STIM1: variants seen among roughly 807,000 people sequenced by gnomAD.
STIM1 encodes the protein stromal interaction molecule 1.
Under a neutral mutation model 74.7 loss-of-function variants are expected in STIM1, and 25 were observed. The ratio of observed to expected loss-of-function variants is 0.33; its 90% CI spans 0.24 to 0.47. The LOEUF (loss-of-function observed/expected upper bound fraction) is 0.47, where lower values mean the gene tolerates loss of function less well. Among genes scored for constraint, STIM1 ranks in the 20% least tolerant of loss-of-function variants. STIM1 has a pLI of 1.00. For synonymous variants in STIM1, 328 were observed against 348.8 expected, an observed-to-expected ratio of 0.94 and a Z score of 0.66; for missense variants, 728 against 920.8, an observed-to-expected ratio of 0.79 and a Z score of 2.71.
At chr11:4,004,282 A>G (rs1437315594) in intron 2 of STIM1, among the ~76,000 whole-genome samples, 2 of 152,312 alleles carry the variant, frequency 1.3e-5, no homozygotes, top group East Asian at 3.9e-4. Flanking sequence ...CGCCAAGTCA[A>G]TCCTAAGCCA....
chr11:3,893,444 C>G (rs1590534491), intron 1 of STIM1, among the ~76,000 whole-genome samples: 3 of 152,304 alleles, frequency 2.0e-5, no homozygotes, highest in East Asian at 1.9e-4. Flanking sequence ...CCGATTAGTT[C>G]TTTGACTGGC....
At chr11:3,866,444 T>TG (rs995798522) in intron 1 of STIM1, among the ~76,000 whole-genome samples, 1 of 151,460 alleles carries the variant, frequency 6.6e-6, no homozygotes, top group East Asian at 1.9e-4. Context: ...TTTTTTTTTT[T>TG]TGTGACAGAG....
At chr11:4,066,295 G>T (rs957362053) in intron 5 of STIM1, among the ~76,000 whole-genome samples, 1 of 152,180 alleles carries the variant, frequency 6.6e-6, no homozygotes, top group Non-Finnish European at 1.5e-5. Flanking sequence ...CTGAGTTTGT[G>T]TAGGGGTTGT....
chr11:4,011,980 A>T (rs1304819067), intron 2 of STIM1, among the ~76,000 whole-genome samples: 6 of 152,208 alleles, frequency 3.9e-5, no homozygotes, highest in Admixed American at 3.9e-4. Context: ...TTAAATAGGG[A>T]ATCCCTTCTC....
chr11:4,060,296 C>T (rs990879286), intron 5 of STIM1, among the ~76,000 whole-genome samples: 1 of 152,178 alleles, frequency 6.6e-6, no homozygotes, highest in African/African-American at 2.4e-5. Flanking sequence ...ACTTCCTGCC[C>T]TTTGGGAATG....
intron 1 of STIM1, among the ~76,000 whole-genome samples, chr11:3,872,017 T>C (rs1283753853): frequency 6.6e-6 from 1 of 152,194 alleles, no homozygotes; most frequent in African/African-American, 2.4e-5. Context: ...TACCCTGTTC[T>C]CCTAGGTTCT....
chr11:3,962,445 T>TTGTGTGTGTG (rs139472251), intron 1 of STIM1, among the ~76,000 whole-genome samples: 19 of 147,726 alleles, frequency 1.3e-4, no homozygotes, highest in Middle Eastern at 3.5e-3. Flanking sequence ...CTGAGTAGTA[T>TTGTGTGTGTG]TGTGTGTGTG....
intron 1 of STIM1, among the ~76,000 whole-genome samples, chr11:3,882,835 A>G (rs1420035982): frequency 6.6e-6 from 1 of 152,162 alleles, no homozygotes; most frequent in Non-Finnish European, 1.5e-5. Context: ...TATTATAACC[A>G]TTCTTGTGGA....
chr11:3,973,926 C>G (rs2093420564), intron 2 of STIM1: 1 of 501,568 alleles, frequency 2.0e-6, no homozygotes, highest in African/African-American at 2.0e-5. Context: ...TTTTTAAAGC[C>G]CCCAACAAAT....
chr11:3,896,416 C>A (rs2092177892), intron 1 of STIM1, among the ~76,000 whole-genome samples: 1 of 152,144 alleles, frequency 6.6e-6, no homozygotes, highest in Non-Finnish European at 1.5e-5. Flanking sequence ...AGTGGCTGAG[C>A]CTGGATTCAG....
chr11:3,988,311 T>C (rs1162212793), intron 2 of STIM1, among the ~76,000 whole-genome samples: 1 of 152,228 alleles, frequency 6.6e-6, no homozygotes, highest in African/African-American at 2.4e-5. Flanking sequence ...AACTGTTTTT[T>C]TCGTGTAGCC....
chr11:3,862,744 C>G (rs1351028231), intron 1 of STIM1, among the ~76,000 whole-genome samples: 1 of 152,006 alleles, frequency 6.6e-6, no homozygotes, highest in Non-Finnish European at 1.5e-5. Context: ...CCGTGCCCAG[C>G]CAAGTAGTCC....
At chr11:3,937,367 C>T (rs567041015) in intron 1 of STIM1, among the ~76,000 whole-genome samples, 190 of 151,738 alleles carry the variant, frequency 1.3e-3, no homozygotes, top group African/African-American at 4.4e-3. Context: ...ATATGTTTCC[C>T]TTGGGGCTGT....
chr11:3,913,275 T>C (rs1207283341), intron 1 of STIM1, among the ~76,000 whole-genome samples: 1 of 151,850 alleles, frequency 6.6e-6, no homozygotes, highest in East Asian at 1.9e-4. Flanking sequence ...GCAGCCTTGA[T>C]CCCTGGGACT....
At chr11:3,961,700 G>A (rs904967438) in intron 1 of STIM1, among the ~76,000 whole-genome samples, 1 of 151,938 alleles carries the variant, frequency 6.6e-6, no homozygotes, top group Non-Finnish European at 1.5e-5. Context: ...AGTAGAGATG[G>A]GGTTTCTCCA....
At chr11:4,053,071 T>G (rs2094257067) in intron 3 of STIM1, among the ~76,000 whole-genome samples, 1 of 152,126 alleles carries the variant, frequency 6.6e-6, no homozygotes, top group Non-Finnish European at 1.5e-5. Context: ...CATTAAAAAG[T>G]CAGGAAACAA....
intron 3 of STIM1, among the ~76,000 whole-genome samples, chr11:4,032,076 T>G (rs1265465180): frequency 1.3e-5 from 2 of 152,266 alleles, no homozygotes; most frequent in Non-Finnish European, 2.9e-5. Flanking sequence ...AACTTACTTC[T>G]TTATTGTGCT....
At chr11:4,022,028 C>T (rs2093959866) in intron 2 of STIM1, among the ~76,000 whole-genome samples, 1 of 151,318 alleles carries the variant, frequency 6.6e-6, no homozygotes, top group African/African-American at 2.4e-5. Context: ...GTAGGTTTTT[C>T]TAGATTTAAT....
Position 4,091,799 on chromosome 11 carries a change from G to A in STIM1, c.*1G>A, listed in dbSNP as rs137935269. The A allele has an allele frequency of 1.9e-5, 31 of 1,602,206 alleles. No homozygotes were observed. The highest frequency in any genetic ancestry group is 2.6e-5 in the Non-Finnish European group (31 of 1,179,960). On this transcript the variant is annotated 3_prime_UTR_variant, in exon 13 of 13. Transcript: ENST00000526596. Reference sequence around the variant, plus strand: ...CTTTAAGAAGCCTCTTAAGAAGTAGGCAGGATGGGGTGGCAGTAAAGGGAC... The same window carrying A: ...CTTTAAGAAGCCTCTTAAGAAGTAGACAGGATGGGGTGGCAGTAAAGGGAC...
Sources: gnomAD v4.1 joint callset for allele counts (sites outside exome capture counted in the v4.1 genomes callset) on GRCh38, gnomAD v4.1.1 for gene constraint, MANE v1.5 for transcripts, NCBI Gene and HGNC (gene_info 2026-07-23, HGNC 2026-07-21) for gene names.